The following CD79B variants were observed in gnomAD, a reference collection of about 807,000 sequenced individuals.
CD79B encodes CD79b molecule, also known as B-cell antigen receptor complex-associated protein beta chain.
CD79B carries 7 observed loss-of-function variants against 30.0 expected under a neutral mutation model. That is an observed-to-expected ratio of 0.23 (90% confidence interval 0.13 to 0.44). The LOEUF is 0.44. Ranked by LOEUF, CD79B falls within the 20% of genes least tolerant of loss-of-function variation. CD79B has a pLI of 1.00. For missense variants in CD79B, 218 were observed against 299.1 expected (o/e 0.73, Z 2.00); for synonymous variants, 118 against 119.2 (o/e 0.99, Z 0.07).
Position 63,931,240 on chromosome 17 carries a change from G to C in CD79B, c.118+95C>G, listed in dbSNP as rs1331918666. 26 of 1,273,300 alleles carry C rather than the reference G, an allele frequency of 2.0e-5. No homozygotes were observed. The Admixed American group carries it at 4.4e-4, about 21-fold the overall frequency. 78.9% of individuals were successfully genotyped at this position (1,273,300 alleles called of 1,614,324 possible). A position where few individuals can be genotyped will look rare whatever the true frequency, so the allele number is the denominator to read the frequency against. On this transcript the variant is annotated intron_variant, in intron 2 of 5. Coordinates refer to ENST00000006750, the MANE Select transcript of CD79B (RefSeq NM_000626.4). The stretch of plus-strand genomic sequence containing the variant: ...TGGATGGGGAGATCAGGCAAGGGTG[G>C]GAAGGCGGACCGCCCCCAGGACAGG...
At chr17:63,930,846 G>A (rs2144759257) in intron 2 of CD79B, 1 of 297,548 alleles carries the variant, frequency 3.4e-6, no homozygotes. Flanking sequence ...TTCCTCAGTC[G>A]ACCCCCTCCC....
Position 63,929,165 on chromosome 17 carries a change from A to C in CD79B, c.*61T>G. The C allele has an allele frequency of 8.8e-7, 1 of 1,130,448 alleles. No individual in the cohort carries two copies. 70.0% of individuals were successfully genotyped at this position (1,130,448 alleles called of 1,614,324 possible). On this transcript the variant is annotated 3_prime_UTR_variant, in exon 6 of 6. Transcript: ENST00000006750. ...AAAGGGGTTGGGCCATGAGCCAGGC[A>C]GCTCCGAAGCAGTCACTGAGGCCAG... is the stretch of plus-strand genomic sequence containing the variant.
Position 63,930,373 on chromosome 17 carries a change from G to A in CD79B, c.131C>T (p.Ser44Leu), listed in dbSNP as rs868652684. 14 of 1,613,454 alleles carry A rather than the reference G, an allele frequency of 8.7e-6. No homozygotes were observed. The East Asian group carries it at 2.0e-4, about 23-fold the overall frequency. Residue 44 changes from serine (S) to leucine (L), a missense_variant, in exon 3 of 6, where the codon TCG (serine) becomes TTG (leucine). Coordinates refer to ENST00000006750, the MANE Select transcript of CD79B (RefSeq NM_000626.4). ...GAAACGTGGGCTCTGCCAGATCCGC[G>A]AACAAGCACTACCTGTGGGTGCCAA... ...RYRNPKGSAC[S>L]RIWQSPRFIA...
At chr17:63,929,572 G>T (rs1907986935) in intron 4 of CD79B, 97 bp from the exon 5 acceptor site, 2 of 1,324,548 alleles carry the variant, frequency 1.5e-6, no homozygotes, top group African/African-American at 2.9e-5. Context: ...GGGGTGAGGG[G>T]TCAGGAGTGA....
chr17:63,929,678 C>T (rs758820759), intron 4 of CD79B, 92 bp downstream of exon 4: 143 of 1,044,652 alleles, frequency 1.4e-4, no homozygotes, highest in Middle Eastern at 6.6e-4. Context: ...AAGGCCACAA[C>T]GAGAGCTGGG....
At chr17:63,930,814 T>G (rs1908077768) in intron 2 of CD79B, 1 of 301,368 alleles carries the variant, frequency 3.3e-6, no homozygotes, top group Non-Finnish European at 6.2e-6. Flanking sequence ...AAGGCCAAAT[T>G]CCTAGTCTGT....
At position 63,932,189 on chromosome 17, in the gene CD79B, C is replaced by T. The variant is rs552127702; in HGVS notation, c.67+6G>A. The T allele has an allele frequency of 1.4e-5, 23 of 1,613,058 alleles. No homozygotes were observed. The South Asian group carries it at 2.4e-4, about 17-fold the overall frequency. On this transcript the variant is annotated splice_donor_region_variant and intron_variant, in intron 1 of 5. Coordinates refer to ENST00000006750, the MANE Select transcript of CD79B (RefSeq NM_000626.4). ...AACCCCACAGGCCTCGTCGTGGGTT[C>T]TGTACCTGAGAGCAGCAGCAGCAAC...
rs372553760 is a variant in CD79B at position 63,929,750 on chromosome 17, T to C, written c.549+20A>G. ...GGCCTCCTCTGCGGTCCCCCAAGGC[T>C]TCCCCCGTCCCCTGATCACCTTGTC... On this transcript the variant is annotated intron_variant, in intron 4 of 5. Coordinates refer to ENST00000006750, the MANE Select transcript of CD79B (RefSeq NM_000626.4). 4.4e-5 allele frequency: 69 copies of C among 1,565,004 alleles called. No individual in the cohort carries two copies. In the African/African-American group the frequency reaches 8.6e-4, roughly 20 times the overall value.
In CD79B at chr17:63,931,357, C is replaced by T. The variant is rs985219732; in HGVS notation, c.96G>A (p.Glu32=). ...SAEPVPAARS[E]DRYRNPKGSA... is the part of the protein sequence containing the mutation. ...GACCTTTGGGATTCCGGTACCGGTC[C>T]TCCGATCTGGCTGCTGGTACTGGCT... is the stretch of plus-strand genomic sequence containing the variant. Residue 32 remains glutamate (E), a synonymous_variant, in exon 2 of 6, where the codon GAG becomes GAA. Coordinates refer to ENST00000006750, the MANE Select transcript of CD79B (RefSeq NM_000626.4). 6.2e-7 allele frequency: 1 copy of T among 1,614,074 alleles called. No homozygotes were observed. The highest frequency in any genetic ancestry group is 1.7e-5 in the Admixed American group (1 of 60,026).
intron 2 of CD79B, chr17:63,931,056 C>A: frequency 2.0e-6 from 1 of 497,086 alleles, no homozygotes; most frequent in Non-Finnish European, 3.7e-6. Context: ...CAGGCCCGGG[C>A]CTGAGTCCTA....
rs1908109699 is a variant in CD79B, at chr17:63,931,328, T to C, written c.118+7A>G. On this transcript the variant is annotated splice_region_variant and intron_variant, in intron 2 of 5. Coordinates refer to ENST00000006750, the MANE Select transcript of CD79B (RefSeq NM_000626.4). ...TGCCCTCAGAAGCGGCAGGCGAGGCTACTGACCTTTGGGATTCCGGTACCG... is the reference window on the plus strand; with the variant it reads ...TGCCCTCAGAAGCGGCAGGCGAGGCCACTGACCTTTGGGATTCCGGTACCG... 1 of 1,613,862 alleles carries C rather than the reference T, an allele frequency of 6.2e-7. No homozygotes were observed. Among genetic ancestry groups the C allele is most frequent in the Admixed American group, 1.7e-5 (1 of 60,024 alleles).
At chr17:63,929,386 C>A (rs1275296997) in intron 5 of CD79B, 48 bp downstream of exon 5, 1 of 1,610,870 alleles carries the variant, frequency 6.2e-7, no homozygotes, top group East Asian at 2.2e-5. Context: ...CAGATAGTGG[C>A]CACTGACCCC....
Sources: gnomAD v4.1 joint callset for allele counts on GRCh38, gnomAD v4.1.1 for gene constraint, MANE v1.5 for transcripts, NCBI Gene and HGNC (gene_info 2026-07-23, HGNC 2026-07-21) for gene names.